Variants in SGMS1 observed in about 807,000 individuals in gnomAD.
The protein encoded by SGMS1 is sphingomyelin synthase 1.
SGMS1 carries 13 observed loss-of-function variants against 46.2 expected under a neutral mutation model. The ratio of observed to expected loss-of-function variants is 0.28; its 90% CI spans 0.18 to 0.45. SGMS1 has a LOEUF of 0.45. Among genes scored for constraint, SGMS1 ranks in the 20% least tolerant of loss-of-function variants. The pLI is 1.00. For missense variants in SGMS1, 324 were observed against 519.9 expected, an observed-to-expected ratio of 0.62 and a Z score of 3.66; for synonymous variants, 203 against 187.8, an observed-to-expected ratio of 1.08 and a Z score of -0.66.
At chr10:50,579,129 A>C (rs1169383636) in intron 2 of SGMS1, among the ~76,000 whole-genome samples, 4 of 152,194 alleles carry the variant, frequency 2.6e-5, no homozygotes, top group African/African-American at 9.6e-5. Context: ...TATACAATAA[A>C]AGCAATCAGA....
intron 7 of SGMS1, chr10:50,341,546 T>A (rs754803304): frequency 2.4e-6 from 1 of 420,882 alleles, no homozygotes; most frequent in Non-Finnish European, 4.8e-6. Flanking sequence ...TATGTTAGAA[T>A]CTAATAAAAT....
At chr10:50,599,098 C>T (rs980867860) in intron 1 of SGMS1, among the ~76,000 whole-genome samples, 39 of 152,160 alleles carry the variant, frequency 2.6e-4, no homozygotes, top group Non-Finnish European at 4.4e-5. Context: ...GGGCTGGGGA[C>T]AAGAGAGCTG....
In SGMS1 at chr10:50,344,771, C is replaced by T. The variant is rs535398371; in HGVS notation, c.-231-426G>A. On this transcript the variant is annotated intron_variant, in intron 6 of 10. Coordinates refer to ENST00000361781, the MANE Select transcript of SGMS1 (RefSeq NM_147156.4). ...GTAGTCCCAGCTACTCCTGCCCAGG[C>T]TGAGGCAGGAGAATGGTGTGAACCC... is the stretch of plus-strand genomic sequence containing the variant. 1.4e-3 allele frequency among the ~76,000 whole-genome samples: 217 copies of T among 151,990 alleles called. 3 individuals are homozygous for T. The highest frequency in any genetic ancestry group is 1.5e-3 in the Non-Finnish European group (102 of 67,994).
intron 2 of SGMS1, among the ~76,000 whole-genome samples, chr10:50,573,082 AC>A (rs1211694279): frequency 9.2e-5 from 14 of 152,320 alleles, no homozygotes; most frequent in South Asian, 6.2e-4. Context: ...AGTATAACTT[AC>A]CCCAACAAAA....
chr10:50,582,750 C>T (rs535913215), intron 2 of SGMS1, among the ~76,000 whole-genome samples: 4 of 152,192 alleles, frequency 2.6e-5, no homozygotes, highest in Non-Finnish European at 4.4e-5. Flanking sequence ...AGAAACACTG[C>T]CTTTCTTGTA....
intron 6 of SGMS1, among the ~76,000 whole-genome samples, chr10:50,429,718 CACACACACACACACACACACACAT>C (rs1345667324): frequency 7.6e-4 from 10 of 13,118 alleles, no homozygotes; most frequent in Admixed American, 2.7e-3. Context: ...CACACACACA[CACACACACACACACACACACACAT>C]ACTCTTTTCT....
intron 3 of SGMS1, among the ~76,000 whole-genome samples, chr10:50,475,125 C>T (rs1837408781): frequency 2.6e-5 from 4 of 152,112 alleles, no homozygotes. Context: ...ACTAACTTTC[C>T]ATTTCACTGT....
intron 3 of SGMS1, among the ~76,000 whole-genome samples, chr10:50,508,495 G>A (rs1837726034): frequency 6.6e-6 from 1 of 152,176 alleles, no homozygotes; most frequent in Admixed American, 6.5e-5. Context: ...CAAAAAGGAA[G>A]TCATGTCAGT....
At chr10:50,461,333 G>C (rs80053211) in intron 4 of SGMS1, among the ~76,000 whole-genome samples, 5,416 of 152,066 alleles carry the variant, frequency 0.036, 332 homozygotes, top group African/African-American at 0.12. Context: ...TGTGTAAATG[G>C]TACACATTTC....
intron 1 of SGMS1, among the ~76,000 whole-genome samples, chr10:50,617,572 A>G (rs1838810054): frequency 6.6e-6 from 1 of 152,050 alleles, no homozygotes; most frequent in Non-Finnish European, 1.5e-5. Flanking sequence ...TACAACTCTT[A>G]TTTTTATTTA....
At chr10:50,607,799 C>T (rs1838711221) in intron 1 of SGMS1, among the ~76,000 whole-genome samples, 3 of 152,152 alleles carry the variant, frequency 2.0e-5, no homozygotes, top group Admixed American at 6.5e-5. Flanking sequence ...TCTTCAGGTC[C>T]AGGAGTCACA....
upstream of SGMS1, chr10:50,624,100 C>T (rs1371108311): frequency 1.0e-6 from 1 of 985,140 alleles, no homozygotes; most frequent in Non-Finnish European, 1.2e-6. Flanking sequence ...GAGCGGGACC[C>T]CGAACCAAGG....
chr10:50,497,102 A>G (rs1236872831), intron 3 of SGMS1, among the ~76,000 whole-genome samples: 1 of 152,242 alleles, frequency 6.6e-6, no homozygotes, highest in African/African-American at 2.4e-5. Flanking sequence ...AATGAAGTCC[A>G]GAAGGCTCGA....
chr10:50,384,016 C>G (rs1254790769), intron 6 of SGMS1, among the ~76,000 whole-genome samples: 1 of 152,124 alleles, frequency 6.6e-6, no homozygotes, highest in African/African-American at 2.4e-5. Context: ...TTCTTCAACC[C>G]TTCTGCCACA....
intron 6 of SGMS1, among the ~76,000 whole-genome samples, chr10:50,378,511 C>T (rs1848552421): frequency 2.0e-5 from 3 of 152,294 alleles, no homozygotes; most frequent in South Asian, 4.1e-4. Context: ...GGCAAAGTTT[C>T]TTCATTCACA....
chr10:50,484,512 T>C (rs1837503449), intron 3 of SGMS1, among the ~76,000 whole-genome samples: 2 of 151,928 alleles, frequency 1.3e-5, no homozygotes, highest in African/African-American at 4.8e-5. Context: ...TTCCAAACAA[T>C]CAAAGAGGAG....
At chr10:50,448,086 C>A (rs1837047975) in intron 5 of SGMS1, among the ~76,000 whole-genome samples, 1 of 152,060 alleles carries the variant, frequency 6.6e-6, no homozygotes, top group South Asian at 2.1e-4. Context: ...AATTCTTTCT[C>A]TTTCATTTTC....
intron 7 of SGMS1, chr10:50,334,413 C>T (rs1035228443): frequency 6.6e-6 from 1 of 151,834 alleles, no homozygotes; most frequent in East Asian, 1.9e-4. Context: ...GTATACACAC[C>T]CAGATCTCCT....
At chr10:50,412,398 G>A (rs769076274) in intron 6 of SGMS1, among the ~76,000 whole-genome samples, 4 of 152,138 alleles carry the variant, frequency 2.6e-5, no homozygotes, top group Non-Finnish European at 5.9e-5. Context: ...CCTTTATAAG[G>A]TAGACAACAG....
Sources: gnomAD v4.1 joint callset for allele counts (sites outside exome capture counted in the v4.1 genomes callset) on GRCh38, gnomAD v4.1.1 for gene constraint, MANE v1.5 for transcripts, NCBI Gene and HGNC (gene_info 2026-07-23, HGNC 2026-07-21) for gene names.